The following TENM2 variants were observed in gnomAD, a reference collection of about 807,000 sequenced individuals.
TENM2 encodes the protein teneurin-2.
TENM2 carries 52 observed loss-of-function variants against 245.2 expected under a neutral mutation model. The observed-to-expected ratio is 0.21, with a 90% CI of 0.17 to 0.27. The LOEUF is 0.27. TENM2 is among the 10% of genes least tolerant of loss of function. The pLI is 1.00. For synonymous variants in TENM2, 1,363 were observed against 1,438.9 expected (o/e 0.95, Z 1.19); for missense variants, 3,046 against 3,666.8 (o/e 0.83, Z 4.37).
the TENM2 span, among the ~76,000 whole-genome samples, chr5:167,105,886 TCAAAAAAAAAAAAAAA>T: frequency 7.2e-5 from 1 of 13,928 alleles, no homozygotes; most frequent in Non-Finnish European, 1.1e-4. Flanking sequence ...AGACTCCGTC[TCAAAAAAAAAAAAAAA>T]AAAAAAAAAA....
chr5:168,146,155 A>G (rs1581442148), intron 12 of TENM2, among the ~76,000 whole-genome samples: 1 of 151,730 alleles, frequency 6.6e-6, no homozygotes, highest in East Asian at 1.9e-4. Context: ...CTCTTTTCCT[A>G]ATTGAATACC....
intron 23 of TENM2, among the ~76,000 whole-genome samples, chr5:168,225,677 C>G (rs1581685677): frequency 6.6e-6 from 1 of 150,838 alleles, no homozygotes; most frequent in East Asian, 2.0e-4. Flanking sequence ...AGGAGAATTG[C>G]TTGAACCCAG....
chr5:167,329,551 C>CAA (rs34165505), intron 1 of TENM2, among the ~76,000 whole-genome samples: 518 of 21,938 alleles, frequency 0.024, 137 homozygotes, highest in African/African-American at 0.048. Context: ...GACTCAGTCT[C>CAA]AAAAAAAAAA....
At chr5:168,004,549 A>ACAC (rs1784678456) in intron 5 of TENM2, among the ~76,000 whole-genome samples, 1 of 149,308 alleles carries the variant, frequency 6.7e-6, no homozygotes. Flanking sequence ...ACACACACAC[A>ACAC]CACACACACC....
intron 3 of TENM2, among the ~76,000 whole-genome samples, chr5:167,899,612 C>G (rs1775523398): frequency 6.6e-6 from 1 of 152,072 alleles, no homozygotes; most frequent in South Asian, 2.1e-4. Context: ...TTCAGGAAGT[C>G]CAGCTCCCGA....
At chr5:167,922,228 C>G (rs1777426322) in intron 3 of TENM2, among the ~76,000 whole-genome samples, 1 of 152,192 alleles carries the variant, frequency 6.6e-6, no homozygotes, top group Non-Finnish European at 1.5e-5. Context: ...CATGAGACTT[C>G]TGATTTCCAT....
At chr5:167,947,589 C>G (rs1327195747) in intron 3 of TENM2, among the ~76,000 whole-genome samples, 1 of 152,174 alleles carries the variant, frequency 6.6e-6, no homozygotes, top group African/African-American at 2.4e-5. Flanking sequence ...TTCCCTCTGG[C>G]CAATTCAAGG....
At chr5:168,083,480 C>G (rs1036620366) in intron 7 of TENM2, among the ~76,000 whole-genome samples, 3 of 152,204 alleles carry the variant, frequency 2.0e-5, no homozygotes, top group African/African-American at 7.2e-5. Context: ...GTGAGATGAA[C>G]CCGGTACCTC....
At chr5:167,178,141 A>C in the TENM2 span, among the ~76,000 whole-genome samples, 1 of 152,348 alleles carries the variant, frequency 6.6e-6, no homozygotes, top group South Asian at 2.1e-4. Context: ...TATTAATATA[A>C]ACTCATTACA....
chr5:167,680,488 C>G (rs534676503), intron 2 of TENM2, among the ~76,000 whole-genome samples: 250 of 152,112 alleles, frequency 1.6e-3, no homozygotes, highest in African/African-American at 5.8e-3. Flanking sequence ...GGGAAGTCCT[C>G]TAAGTTACAG....
At chr5:168,087,727 C>A (rs1792582074) in intron 7 of TENM2, among the ~76,000 whole-genome samples, 1 of 152,130 alleles carries the variant, frequency 6.6e-6, no homozygotes, top group African/African-American at 2.4e-5. Context: ...GCAGATGAAA[C>A]CCCTGTCTTC....
At chr5:168,229,167 T>TATC (rs915213986) in intron 25 of TENM2, among the ~76,000 whole-genome samples, 2 of 138,212 alleles carry the variant, frequency 1.4e-5, no homozygotes, top group African/African-American at 3.0e-5. Flanking sequence ...TAATTATTAC[T>TATC]ATCTTCATTT....
At chr5:167,338,497 A>G (rs1400895418) in intron 1 of TENM2, among the ~76,000 whole-genome samples, 2 of 152,218 alleles carry the variant, frequency 1.3e-5, no homozygotes, top group Admixed American at 1.3e-4. Context: ...GGGGAGAATC[A>G]TGATCTTTCT....
chr5:168,154,519 C>G (rs970614277), intron 12 of TENM2, among the ~76,000 whole-genome samples: 1 of 152,214 alleles, frequency 6.6e-6, no homozygotes, highest in African/African-American at 2.4e-5. Flanking sequence ...GCTACCGCGC[C>G]TGGCCCCTTT....
At chr5:167,138,023 T>C in the TENM2 span, among the ~76,000 whole-genome samples, 3 of 152,214 alleles carry the variant, frequency 2.0e-5, no homozygotes, top group Non-Finnish European at 4.4e-5. Flanking sequence ...TTACCAATTC[T>C]GGCATAACCA....
At chr5:167,055,907 T>C in the TENM2 span, among the ~76,000 whole-genome samples, 9 of 152,154 alleles carry the variant, frequency 5.9e-5, no homozygotes, top group African/African-American at 1.7e-4. Flanking sequence ...TCTTTTCTTT[T>C]CTTATTTTAT....
rs927810906 is a variant in TENM2, at chr5:167,833,313, T to G, written c.503-42673T>G. On this transcript the variant is annotated intron_variant, in intron 2 of 28. Transcript: ENST00000518659. Reference sequence around the variant, plus strand: ...TACTTTAGGAGTCAGTTACAAATCCTTCATACAAGGAAACAAATTTCAGAC... The same window carrying G: ...TACTTTAGGAGTCAGTTACAAATCCGTCATACAAGGAAACAAATTTCAGAC... 4.6e-5 allele frequency among the ~76,000 whole-genome samples: 7 copies of G among 152,192 alleles called. No individual in the cohort carries two copies. In the East Asian group the frequency reaches 1.3e-3, roughly 29 times the overall value.
At chr5:167,460,794 C>A (rs1561975118) in intron 2 of TENM2, among the ~76,000 whole-genome samples, 1 of 152,144 alleles carries the variant, frequency 6.6e-6, no homozygotes, top group Admixed American at 6.5e-5. Context: ...AATGTCTACT[C>A]CATTTGCCTC....
the TENM2 span, among the ~76,000 whole-genome samples, chr5:167,119,317 G>T: frequency 1.3e-5 from 2 of 152,164 alleles, no homozygotes; most frequent in Non-Finnish European, 2.9e-5. Flanking sequence ...AACGCAAGGT[G>T]AAAGAAAAAG....
Sources: allele counts gnomAD v4.1 joint callset (sites outside exome capture counted in the v4.1 genomes callset), GRCh38; gene constraint gnomAD v4.1.1; transcripts MANE v1.5; gene names NCBI Gene and HGNC (gene_info 2026-07-23, HGNC 2026-07-21).